Variants in IQCM observed in about 807,000 individuals in gnomAD.
IQCM encodes the protein IQ motif containing M, also known as IQ domain-containing protein M.
A neutral mutation model predicts 57.6 loss-of-function variants in IQCM; 45 were observed. That is an observed-to-expected ratio of 0.78 (90% confidence interval 0.62 to 1.00). IQCM has a LOEUF of 1.00. Ranked by LOEUF, IQCM falls within the 50% of genes least tolerant of loss-of-function variation. The pLI is 0.00. For missense variants in IQCM, 468 were observed against 511.6 expected (o/e 0.91, Z 0.82); for synonymous variants, 148 against 158.9 (o/e 0.93, Z 0.51).
At chr4:149,355,693 G>A (rs373161227) in intron 13 of IQCM, among the ~76,000 whole-genome samples, 18 of 151,914 alleles carry the variant, frequency 1.2e-4, no homozygotes, top group East Asian at 1.2e-3. Context: ...GAATAGTGTC[G>A]CAATAAACAT....
At chr4:149,797,019 C>T (rs1025573719) in intron 2 of IQCM, among the ~76,000 whole-genome samples, 1 of 151,994 alleles carries the variant, frequency 6.6e-6, no homozygotes, top group African/African-American at 2.4e-5. Context: ...ATAACACCTA[C>T]GAAGTATCAA....
chr4:149,362,101 T>C (rs1701985504), intron 13 of IQCM, among the ~76,000 whole-genome samples: 1 of 152,270 alleles, frequency 6.6e-6, no homozygotes, highest in South Asian at 2.1e-4. Context: ...ATTTTGGACT[T>C]GCATGGGCCC....
intron 13 of IQCM, among the ~76,000 whole-genome samples, chr4:149,399,405 G>C (rs986321965): frequency 6.6e-6 from 1 of 151,948 alleles, no homozygotes; most frequent in African/African-American, 2.4e-5. Flanking sequence ...CAGGAAGAGA[G>C]ACACAAGGCC....
At chr4:149,623,978 C>T (rs1210272162) in intron 7 of IQCM, among the ~76,000 whole-genome samples, 1 of 152,136 alleles carries the variant, frequency 6.6e-6, no homozygotes, top group Non-Finnish European at 1.5e-5. Context: ...AATAACTACT[C>T]ATACTGATAT....
At chr4:149,594,523 C>T (rs1298369971) in intron 8 of IQCM, among the ~76,000 whole-genome samples, 1 of 152,094 alleles carries the variant, frequency 6.6e-6, no homozygotes, top group South Asian at 2.1e-4. Flanking sequence ...GCTCTTGCTT[C>T]TCTAGTTCTT....
In IQCM at chr4:149,688,855, G is replaced by T. The variant is rs186148221; in HGVS notation, c.386-2387C>A. Among the ~76,000 whole-genome samples, 581 of 152,046 alleles carry T rather than the reference G, an allele frequency of 3.8e-3. 10 individuals carry two copies. The highest frequency in any genetic ancestry group is 0.03 in the Admixed American group (461 of 15,254). On this transcript the variant is annotated intron_variant, in intron 5 of 13. Coordinates refer to ENST00000636793, the MANE Select transcript of IQCM (RefSeq NM_001363507.2). Reference sequence around the variant, plus strand: ...GCAAACAAAAACAAAGTGGGGAAAGGACACCCTTTTCAACAAATGGTGCTG... The same window carrying T: ...GCAAACAAAAACAAAGTGGGGAAAGTACACCCTTTTCAACAAATGGTGCTG...
chr4:149,771,023 C>T (rs962956504), intron 2 of IQCM, among the ~76,000 whole-genome samples: 1 of 151,950 alleles, frequency 6.6e-6, no homozygotes, highest in Admixed American at 6.6e-5. Context: ...TCTATCATAC[C>T]TCTAACTTCA....
intron 7 of IQCM, among the ~76,000 whole-genome samples, chr4:149,640,834 T>C (rs1758118681): frequency 6.6e-6 from 1 of 152,114 alleles, no homozygotes; most frequent in Non-Finnish European, 1.5e-5. Flanking sequence ...TTTCAGAAAA[T>C]GTCCACCTTT....
chr4:149,518,294 T>C (rs1027320721), intron 12 of IQCM, among the ~76,000 whole-genome samples: 3 of 152,056 alleles, frequency 2.0e-5, no homozygotes, highest in Non-Finnish European at 2.9e-5. Flanking sequence ...CTTAGCAAAA[T>C]AAGAGTAGGT....
chr4:149,442,947 CACACACAG>C (rs1398910375), intron 12 of IQCM, among the ~76,000 whole-genome samples: 19 of 52,580 alleles, frequency 3.6e-4, no homozygotes, highest in East Asian at 6.6e-4. Flanking sequence ...CACACACACA[CACACACAG>C]AGAGAGAGAG....
intron 2 of IQCM, among the ~76,000 whole-genome samples, chr4:149,771,222 A>C (rs1476202485): frequency 6.6e-6 from 1 of 152,094 alleles, no homozygotes; most frequent in African/African-American, 2.4e-5. Context: ...GAACCCTCTT[A>C]GCAACCCCTT....
At chr4:149,643,850 C>T (rs1039012783) in intron 7 of IQCM, among the ~76,000 whole-genome samples, 2 of 152,154 alleles carry the variant, frequency 1.3e-5, no homozygotes, top group Non-Finnish European at 2.9e-5. Flanking sequence ...TAGATTCTTG[C>T]TTTAATTCCT....
At chr4:149,677,713 G>T (rs1343484883) in intron 7 of IQCM, among the ~76,000 whole-genome samples, 1 of 151,870 alleles carries the variant, frequency 6.6e-6, no homozygotes, top group Non-Finnish European at 1.5e-5. Flanking sequence ...TAATGAAACA[G>T]CAATTGGTGA....
intron 12 of IQCM, among the ~76,000 whole-genome samples, chr4:149,486,659 T>A (rs938525529): frequency 2.0e-5 from 3 of 152,226 alleles, no homozygotes; most frequent in East Asian, 1.9e-4. Flanking sequence ...GGCAGGAGAA[T>A]CACTTGAACC....
At chr4:149,602,184 T>C (rs921623304) in intron 8 of IQCM, among the ~76,000 whole-genome samples, 2 of 151,972 alleles carry the variant, frequency 1.3e-5, no homozygotes, top group Non-Finnish European at 2.9e-5. Flanking sequence ...ATAAGTAAGC[T>C]AGAGATGATG....
At chr4:149,597,578 A>G (rs1255778110) in intron 8 of IQCM, among the ~76,000 whole-genome samples, 2 of 151,940 alleles carry the variant, frequency 1.3e-5, no homozygotes, top group Non-Finnish European at 2.9e-5. Flanking sequence ...TTTAGTAGAG[A>G]TGGGGTTTTG....
At chr4:149,610,772 G>T (rs1214360763) in intron 8 of IQCM, among the ~76,000 whole-genome samples, 1 of 152,004 alleles carries the variant, frequency 6.6e-6, no homozygotes, top group African/African-American at 2.4e-5. Flanking sequence ...AATACTAGAA[G>T]AAAACATTGG....
intron 12 of IQCM, among the ~76,000 whole-genome samples, chr4:149,476,179 C>T (rs1209516057): frequency 1.3e-5 from 2 of 151,968 alleles, no homozygotes; most frequent in South Asian, 2.1e-4. Flanking sequence ...AACTTCAGAT[C>T]GAAGCATGAA....
chr4:149,619,827 A>T (rs1200046244), intron 8 of IQCM, among the ~76,000 whole-genome samples: 1 of 152,132 alleles, frequency 6.6e-6, no homozygotes, highest in East Asian at 1.9e-4. Flanking sequence ...GTAGGGTCCT[A>T]ATCCAATATG....
Sources: allele counts gnomAD v4.1 joint callset (sites outside exome capture counted in the v4.1 genomes callset), GRCh38; gene constraint gnomAD v4.1.1; transcripts MANE v1.5; gene names NCBI Gene and HGNC (gene_info 2026-07-23, HGNC 2026-07-21).